The following SPTAN1 variants were observed in gnomAD, a reference collection of about 807,000 sequenced individuals.
The protein encoded by SPTAN1 is spectrin alpha chain, non-erythrocytic 1.
In SPTAN1, 61 loss-of-function variants were observed where a neutral mutation model predicts 331.3. The ratio of observed to expected loss-of-function variants is 0.18; its 90% CI spans 0.15 to 0.23. SPTAN1 has a LOEUF of 0.23. Ranked by LOEUF, SPTAN1 falls within the 10% of genes least tolerant of loss-of-function variation. The pLI is 1.00. For missense variants in SPTAN1, 2,043 were observed against 3,147.9 expected (o/e 0.65, Z 8.40); for synonymous variants, 1,153 against 1,173.9 (o/e 0.98, Z 0.36).
intron 45 of SPTAN1, chr9:128,622,028 C>T (rs1182937638): frequency 6.5e-6 from 1 of 152,872 alleles, no homozygotes; most frequent in Non-Finnish European, 1.5e-5. Context: ...AGGTTGCACT[C>T]AGCAGTCATG....
At chr9:128,581,164 G>A (rs1589205013) in intron 11 of SPTAN1, 105 bp downstream of exon 11, 6 of 1,483,922 alleles carry the variant, frequency 4.0e-6, no homozygotes, top group African/African-American at 1.4e-5. Context: ...TACCATGTTA[G>A]TTCTGAATCC....
Position 128,615,970 on chromosome 9 carries a change from G to A in SPTAN1, c.5357+130G>A, listed in dbSNP as rs186245014. On this transcript the variant is annotated intron_variant, in intron 41 of 56. Coordinates refer to ENST00000372739, the MANE Select transcript of SPTAN1 (RefSeq NM_001130438.3). Reference sequence around the variant, plus strand: ...GGGATCCCAGCTTGGGCACACAGTCGTGGGATGCCTCAGTGTCTTCTGCTT... The same window carrying A: ...GGGATCCCAGCTTGGGCACACAGTCATGGGATGCCTCAGTGTCTTCTGCTT... The A allele has an allele frequency of 2.3e-5, 22 of 953,796 alleles. No individual in the cohort carries two copies. The East Asian group carries it at 3.1e-4, about 14-fold the overall frequency. The allele number at this position is 953,796 out of a possible 1,614,324, so 59.1% of individuals were successfully genotyped here.
chr9:128,561,864 A>T (rs1384434285), intron 1 of SPTAN1, among the ~76,000 whole-genome samples: 1 of 151,918 alleles, frequency 6.6e-6, no homozygotes, highest in East Asian at 1.9e-4. Flanking sequence ...CCAAGCTCTG[A>T]ATATAATTGG....
At chr9:128,588,709 G>A in intron 20 of SPTAN1, 100 bp from the exon 21 acceptor site, 4 of 1,515,544 alleles carry the variant, frequency 2.6e-6, no homozygotes, top group Non-Finnish European at 3.6e-6. Context: ...TGTATATTTG[G>A]TACATTTGGT....
intron 34 of SPTAN1, 134 bp downstream of exon 34, chr9:128,608,410 T>A: frequency 8.8e-7 from 1 of 1,133,284 alleles, no homozygotes; most frequent in Non-Finnish European, 1.2e-6. Flanking sequence ...TAAATAATCT[T>A]TAAAACTTTA....
chr9:128,572,941 A>G (rs1221531134), intron 3 of SPTAN1, among the ~76,000 whole-genome samples: 3 of 152,152 alleles, frequency 2.0e-5, no homozygotes, highest in South Asian at 2.1e-4. Flanking sequence ...TTGTGTGAGC[A>G]TGTATTCCTC....
Position 128,624,663 on chromosome 9 carries a change from G to A in SPTAN1, c.5992+176G>A. On this transcript the variant is annotated intron_variant, in intron 46 of 56. Coordinates refer to ENST00000372739, the MANE Select transcript of SPTAN1 (RefSeq NM_001130438.3). ...AGGAGGAGACAGTGTCCTGAGGCCA[G>A]AACTGCCACCCGGAACTGGGCTGGC... 3.8e-6 allele frequency: 3 copies of A among 779,268 alleles called. No homozygotes were observed. The East Asian group carries it at 8.1e-5, about 21-fold the overall frequency. 48.3% of individuals were successfully genotyped at this position (779,268 alleles called of 1,614,324 possible).
At chr9:128,573,829 C>G (rs1851000397) in intron 3 of SPTAN1, among the ~76,000 whole-genome samples, 1 of 151,882 alleles carries the variant, frequency 6.6e-6, no homozygotes, top group East Asian at 1.9e-4. Flanking sequence ...TCATGGCTCA[C>G]TGCAAGCTCC....
intron 39 of SPTAN1, among the ~76,000 whole-genome samples, chr9:128,612,587 A>C (rs1337446614): frequency 6.6e-6 from 1 of 152,212 alleles, no homozygotes; most frequent in Admixed American, 6.5e-5. Context: ...AGAGTCAGTC[A>C]TGTATTCTCC....
rs1475550469 is a variant in SPTAN1 at position 128,577,091 on chromosome 9, A to G, written c.786-38A>G. On this transcript the variant is annotated intron_variant, in intron 6 of 56. Coordinates refer to ENST00000372739, the MANE Select transcript of SPTAN1 (RefSeq NM_001130438.3). The surrounding 1 kb of genome is among the most constrained non-coding windows in gnomAD (Gnocchi z 4.2). Reference sequence around the variant, plus strand: ...GGGGTGTTCCTAGTTCTAGGGAGTCATCATTGCTGTGGATTAACTGGTGCC... The same window carrying G: ...GGGGTGTTCCTAGTTCTAGGGAGTCGTCATTGCTGTGGATTAACTGGTGCC... The G allele has an allele frequency of 1.2e-6, 2 of 1,614,034 alleles. No individual in the cohort carries two copies. Among genetic ancestry groups the G allele is most frequent in the Non-Finnish European group, 1.7e-6 (2 of 1,180,036 alleles).
In SPTAN1 at chr9:128,625,957, G is replaced by A. The variant is rs775794646; in HGVS notation, c.6258G>A (p.Glu2086=). ...NSAARKKKLL[E]AQSHFRKVED... ...CCGCCCGCAAGAAGAAGCTTCTGGA[G>A]GCTCAGAGTCACTTCCGCAAGGTGA... Residue 2086 remains glutamate, a synonymous_variant, in exon 48 of 57, where the codon GAG becomes GAA. Transcript: ENST00000372739. The surrounding 1 kb of genome is among the most constrained non-coding windows in gnomAD (Gnocchi z 4.1). 5.6e-6 allele frequency: 9 copies of A among 1,614,022 alleles called. No individual in the cohort carries two copies. The African/African-American group carries it at 1.1e-4, about 19-fold the overall frequency.
chr9:128,606,508 G>T (rs13302706), intron 31 of SPTAN1, among the ~76,000 whole-genome samples: 2 of 146,186 alleles, frequency 1.4e-5, no homozygotes, highest in African/African-American at 5.1e-5. Context: ...GGGGGGGGAA[G>T]CGTTTCGCTT....
Position 128,609,524 on chromosome 9 carries a change from T to G in SPTAN1, c.4759-127T>G, listed in dbSNP as rs965294926. The G allele has an allele frequency of 5.2e-6, 5 of 969,110 alleles. No individual in the cohort carries two copies. In the African/African-American group the frequency reaches 8.3e-5, roughly 16 times the overall value. 60.0% of individuals were successfully genotyped at this position (969,110 alleles called of 1,614,324 possible). On this transcript the variant is annotated intron_variant, in intron 36 of 56. Coordinates refer to ENST00000372739, the MANE Select transcript of SPTAN1 (RefSeq NM_001130438.3). ...GTAATAAAAGTCTATAGAATCCCCC[T>G]TCTATTACTGTTCCCAAATGCTGAG...
intron 1 of SPTAN1, among the ~76,000 whole-genome samples, chr9:128,559,757 A>C (rs1254306008): frequency 1.3e-5 from 2 of 148,460 alleles, no homozygotes; most frequent in Non-Finnish European, 3.0e-5. Flanking sequence ...TTTGAGACGG[A>C]CTCTTGCTTT....
At chr9:128,630,753 G>A (rs1376963289) in intron 52 of SPTAN1, 6 of 278,744 alleles carry the variant, frequency 2.2e-5, no homozygotes, top group Non-Finnish European at 2.8e-5. Flanking sequence ...GCCCAGGCTG[G>A]AGTGCAATGG....
At chr9:128,592,777 G>A (rs554679769) in intron 22 of SPTAN1, among the ~76,000 whole-genome samples, 1 of 152,316 alleles carries the variant, frequency 6.6e-6, no homozygotes, top group Admixed American at 6.5e-5. Flanking sequence ...GGAAAATGAA[G>A]GTGAACTAAC....
At position 128,615,791 on chromosome 9, in the gene SPTAN1, C is replaced by T. The variant is rs371055930; in HGVS notation, c.5308C>T (p.Arg1770Cys). 7.4e-6 allele frequency: 12 copies of T among 1,614,106 alleles called. No individual in the cohort carries two copies. Among genetic ancestry groups the T allele is most frequent in the Non-Finnish European group, 1.0e-5 (12 of 1,180,054 alleles). ...SRRAKLNESH[R>C]LHQFFRDMDD... ...GCGAGCCAAGCTGAATGAATCCCATCGCCTGCACCAGTTCTTCCGGGACAT... is the reference window on the plus strand; with the variant it reads ...GCGAGCCAAGCTGAATGAATCCCATTGCCTGCACCAGTTCTTCCGGGACAT... The change falls in exon 41 of 57, where the codon CGC becomes TGC. Residue 1770 changes from arginine (R) to cysteine (C), a missense_variant. By Grantham distance (180) the Arg-to-Cys change is radical (BLOSUM62 -3). Around this residue, in one of 12 missense-constraint regions of SPTAN1, gnomAD observed 323 missense variants for 581.1 expected, o/e 0.56. Coordinates refer to ENST00000372739, the MANE Select transcript of SPTAN1 (RefSeq NM_001130438.3).
rs1232614751 is a variant in SPTAN1, at chr9:128,615,809, C to T, written c.5326C>T (p.Arg1776Trp). ...ATCCCATCGCCTGCACCAGTTCTTC[C>T]GGGACATGGATGACGAGGAGTCCTG... ...NESHRLHQFF[R>W]DMDDEESWIK... is the part of the protein sequence containing the mutation. The change falls in exon 41 of 57, where the codon CGG becomes TGG. Residue 1776 changes from arginine to tryptophan, a missense_variant. Coordinates refer to ENST00000372739, the MANE Select transcript of SPTAN1 (RefSeq NM_001130438.3). 1 of 1,614,202 alleles carries T rather than the reference C, an allele frequency of 6.2e-7. No individual in the cohort carries two copies.
intron 2 of SPTAN1, 69 bp downstream of exon 2, chr9:128,567,046 G>A (rs1399797477): frequency 8.1e-6 from 13 of 1,604,258 alleles, no homozygotes; most frequent in African/African-American, 1.3e-5. Context: ...AAAATCAGAC[G>A]AGGAAAGTTA....
Sources: gnomAD v4.1 joint callset for allele counts (sites outside exome capture counted in the v4.1 genomes callset) on GRCh38, gnomAD v4.1.1 for gene constraint, gnomAD v4.1.1 regional missense constraint, Gnocchi (gnomAD v3.1) non-coding constraint, MANE v1.5 for transcripts, NCBI Gene and HGNC (gene_info 2026-07-23, HGNC 2026-07-21) for gene names.